Variants in TBC1D30 observed in about 807,000 individuals in gnomAD.
TBC1D30 encodes the protein TBC1 domain family, member 30.
In TBC1D30, 31 loss-of-function variants were observed where a neutral mutation model predicts 63.2. The ratio of observed to expected loss-of-function variants is 0.49; its 90% CI spans 0.37 to 0.66. The LOEUF (loss-of-function observed/expected upper bound fraction) is 0.66, where lower values mean the gene tolerates loss of function less well. Ranked by LOEUF, TBC1D30 falls within the 30% of genes least tolerant of loss-of-function variation. The probability of loss-of-function intolerance (pLI) is 0.00; values close to 1 mark genes in which losing one functional copy is unlikely to be tolerated. For missense variants in TBC1D30, 810 were observed against 953.6 expected (o/e 0.85, Z 1.98); for synonymous variants, 307 against 361.5 (o/e 0.85, Z 1.71).
intron 10 of TBC1D30, among the ~76,000 whole-genome samples, chr12:64,869,890 C>T (rs994273053): frequency 6.6e-5 from 10 of 152,156 alleles, no homozygotes; most frequent in Non-Finnish European, 1.2e-4. Flanking sequence ...GTCAGTTTTA[C>T]AAATTGTGCT....
intron 5 of TBC1D30, among the ~76,000 whole-genome samples, chr12:64,834,404 CTTTT>C (rs34733475): frequency 8.3e-6 from 1 of 120,302 alleles, no homozygotes. Context: ...TTAGCCAAAT[CTTTT>C]TTTTTTTTTT....
At chr12:64,820,714 T>C (rs1462629196), upstream of TBC1D30, among the ~76,000 whole-genome samples, 2 of 152,238 alleles carry the variant, frequency 1.3e-5, no homozygotes, top group East Asian at 3.8e-4. Flanking sequence ...AAGTTGACTT[T>C]AGATGACATC....
chr12:64,829,769 T>A (rs901549847), intron 3 of TBC1D30, among the ~76,000 whole-genome samples: 1 of 152,212 alleles, frequency 6.6e-6, no homozygotes, highest in Admixed American at 6.5e-5. Flanking sequence ...AAATTGAGGG[T>A]TCCTCAAAAT....
chr12:64,800,341 C>T (rs939666577), intron 2 of TBC1D30, among the ~76,000 whole-genome samples: 4 of 152,150 alleles, frequency 2.6e-5, no homozygotes, highest in African/African-American at 4.8e-5. Context: ...TCCCTGAGCA[C>T]AAGAGTGATG....
At position 64,824,736 on chromosome 12, in the gene TBC1D30, G is replaced by A; in HGVS notation, c.-144G>A. 8.4e-7 allele frequency: 1 copy of A among 1,197,038 alleles called. No homozygotes were observed. The highest frequency in any genetic ancestry group is 1.1e-6 in the Non-Finnish European group (1 of 886,324). The allele number at this position is 1,197,038 out of a possible 1,614,324, so 74.2% of individuals were successfully genotyped here. ...CCCCGTAAGTCCCCGTGACCCTCCA[G>A]CACCAGCCGGCTGTGCGCTCCCTGC... is the stretch of plus-strand genomic sequence containing the variant. On this transcript the variant is annotated 5_prime_UTR_variant, in exon 1 of 12. Coordinates refer to ENST00000539867, the MANE Select transcript of TBC1D30 (RefSeq NM_015279.2).
exon 1 of TBC1D30, chr12:64,780,790 C>A (rs1871227754): frequency 3.0e-6 from 3 of 990,334 alleles, no homozygotes; most frequent in Non-Finnish European, 3.6e-6. Context: ...GGGAGCCGGG[C>A]AGCCGCGCGC....
At position 64,866,856 on chromosome 12, in the gene TBC1D30, G is replaced by A. The variant is rs1295124453; in HGVS notation, c.1244G>A (p.Ser415Asn). ...GCAGTGGGGTGTCTTGGACCTTTTA[G>A]TGGGTTCCTGGCTCCTGAACTGCAG... ...VNAVGCLGPF[S>N]GFLAPELQKY... The change falls in exon 10 of 12, where the codon AGT becomes AAT. Residue 415 changes from serine to asparagine, a missense_variant. Ser to Asn is a conservative substitution (Grantham distance 46). This residue lies in a region of TBC1D30 where 450 missense variants were observed against 473.0 expected (regional missense o/e 0.95). Coordinates refer to ENST00000539867, the MANE Select transcript of TBC1D30 (RefSeq NM_015279.2). The A allele has an allele frequency of 2.0e-6, 3 of 1,536,328 alleles. No homozygotes were observed. The highest frequency in any genetic ancestry group is 2.6e-6 in the Non-Finnish European group (3 of 1,146,954).
intron 1 of TBC1D30, among the ~76,000 whole-genome samples, chr12:64,769,954 T>C (rs1454609737): frequency 1.3e-5 from 2 of 152,252 alleles, no homozygotes; most frequent in Non-Finnish European, 2.9e-5. Flanking sequence ...TTGTAACATT[T>C]TCTTTGACAT....
At chr12:64,836,312 T>TC (rs1875345712) in intron 5 of TBC1D30, among the ~76,000 whole-genome samples, 178 bp from the exon 6 acceptor site, 1 of 152,196 alleles carries the variant, frequency 6.6e-6, no homozygotes. Context: ...TGCCACATGC[T>TC]CCCTAGCCAG....
chr12:64,825,076 C>T, intron 1 of TBC1D30, 43 bp downstream of exon 1: 1 of 1,505,432 alleles, frequency 6.6e-7, no homozygotes, highest in Non-Finnish European at 8.9e-7. Flanking sequence ...TAAAGTAGCG[C>T]CGGGGCTGCC....
chr12:64,840,115 T>A (rs1875742571), intron 7 of TBC1D30, among the ~76,000 whole-genome samples: 1 of 152,198 alleles, frequency 6.6e-6, no homozygotes, highest in South Asian at 2.1e-4. Flanking sequence ...TGCCTTGGTT[T>A]TATTGTACAT....
rs1297289688 is a variant in TBC1D30 at position 64,828,450 on chromosome 12, G to A, written c.223G>A (p.Asp75Asn). The A allele has an allele frequency of 6.5e-7, 1 of 1,535,516 alleles. No individual in the cohort carries two copies. Among genetic ancestry groups the A allele is most frequent in the African/African-American group, 1.4e-5 (1 of 73,032 alleles). ...ATTTCTTCTTTGTTCCTAGTGGTAC[G>A]ATGCTCTCAAGGCAGTTGCCAGGCT... is the stretch of plus-strand genomic sequence containing the variant. ...LGQNGFQQWY[D>N]ALKAVARLST... Residue 75 changes from aspartate to asparagine, a missense_variant, in exon 3 of 12, where the codon GAT becomes AAT. Around this residue, in one of 4 missense-constraint regions of TBC1D30, gnomAD observed 272 missense variants for 335.9 expected, o/e 0.81. Transcript: ENST00000539867.
chr12:64,772,184 C>T (rs1298721111), intron 1 of TBC1D30, among the ~76,000 whole-genome samples: 1 of 148,454 alleles, frequency 6.7e-6, no homozygotes, highest in African/African-American at 2.5e-5. Flanking sequence ...TTGTGGTGAG[C>T]CGAGATCGTG....
upstream of TBC1D30, among the ~76,000 whole-genome samples, chr12:64,778,476 A>C (rs1871143111): frequency 6.6e-6 from 1 of 151,702 alleles, no homozygotes; most frequent in African/African-American, 2.4e-5. Flanking sequence ...CAAGGAAGAG[A>C]ACTAAGGAAA....
At chr12:64,819,309 CCTG>C (rs1873742778) in intron 2 of TBC1D30, among the ~76,000 whole-genome samples, 1 of 152,072 alleles carries the variant, frequency 6.6e-6, no homozygotes, top group Admixed American at 6.6e-5. Flanking sequence ...TCAATTTCCT[CCTG>C]CTGCCCTGCC....
chr12:64,808,215 G>T (rs1300800678), intron 2 of TBC1D30, among the ~76,000 whole-genome samples: 1 of 151,900 alleles, frequency 6.6e-6, no homozygotes, highest in African/African-American at 2.4e-5. Flanking sequence ...TATTTCCTCC[G>T]CCTGGTACTC....
intron 1 of TBC1D30, among the ~76,000 whole-genome samples, chr12:64,771,338 C>G (rs1270022546): frequency 6.6e-6 from 1 of 152,114 alleles, no homozygotes; most frequent in African/African-American, 2.4e-5. Context: ...TTCTAGTGTA[C>G]TGAGCCCAGA....
At chr12:64,868,075 A>T in intron 10 of TBC1D30, 1 of 162,374 alleles carries the variant, frequency 6.2e-6, no homozygotes, top group East Asian at 1.7e-4. Context: ...CTGAAGGGTC[A>T]CAGGAAGTTA....
intron 6 of TBC1D30, among the ~76,000 whole-genome samples, chr12:64,837,197 C>T (rs1329442743): frequency 6.6e-6 from 1 of 152,116 alleles, no homozygotes; most frequent in Admixed American, 6.5e-5. Context: ...GTGTTTCCTC[C>T]AAACCAGTGG....
Sources: gnomAD v4.1 joint callset for allele counts (sites outside exome capture counted in the v4.1 genomes callset) on GRCh38, gnomAD v4.1.1 for gene constraint, gnomAD v4.1.1 regional missense constraint, MANE v1.5 for transcripts, NCBI Gene and HGNC (gene_info 2026-07-23, HGNC 2026-07-21) for gene names.